The following ARB2A variants were observed in gnomAD, a reference collection of about 807,000 sequenced individuals.
The protein encoded by ARB2A is cotranscriptional regulator ARB2A.
At chr5:93,983,389 C>G in the ARB2A span, among the ~76,000 whole-genome samples, 1 of 152,036 alleles carries the variant, frequency 6.6e-6, no homozygotes, top group South Asian at 2.1e-4. Flanking sequence ...TAAAAGAACA[C>G]AGAAATCTGC....
At chr5:93,788,288 C>T in the ARB2A span, among the ~76,000 whole-genome samples, 6 of 151,880 alleles carry the variant, frequency 4.0e-5, no homozygotes, top group Non-Finnish European at 7.4e-5. Flanking sequence ...CGGATGAGTT[C>T]GTCTGAGTAT....
the ARB2A span, among the ~76,000 whole-genome samples, chr5:93,651,384 C>T: frequency 6.6e-6 from 1 of 152,166 alleles, no homozygotes; most frequent in Non-Finnish European, 1.5e-5. Flanking sequence ...TATCCTTCAG[C>T]CACTGCCTCC....
chr5:93,838,972 A>G, the ARB2A span, among the ~76,000 whole-genome samples: 821 of 152,282 alleles, frequency 5.4e-3, 2 homozygotes, highest in Non-Finnish European at 9.4e-3. Flanking sequence ...GTATAGAATC[A>G]TGTCATCTGC....
At chr5:93,649,750 A>T in the ARB2A span, among the ~76,000 whole-genome samples, 7 of 152,200 alleles carry the variant, frequency 4.6e-5, no homozygotes, top group South Asian at 2.1e-4. Context: ...TTGCCAAATT[A>T]AAGAGGCTTG....
At chr5:93,692,169 C>T in the ARB2A span, among the ~76,000 whole-genome samples, 3 of 152,196 alleles carry the variant, frequency 2.0e-5, no homozygotes, top group African/African-American at 7.2e-5. Context: ...CAAATTCACA[C>T]ATAACAAGGT....
At chr5:93,923,454 G>A in the ARB2A span, among the ~76,000 whole-genome samples, 1 of 152,022 alleles carries the variant, frequency 6.6e-6, no homozygotes, top group African/African-American at 2.4e-5. Context: ...CAGGAATTGT[G>A]GGTAATTTTT....
chr5:93,662,977 T>C, the ARB2A span, among the ~76,000 whole-genome samples: 1 of 152,168 alleles, frequency 6.6e-6, no homozygotes, highest in Non-Finnish European at 1.5e-5. Context: ...TGTGTCCTCA[T>C]GTGGCAAAAA....
the ARB2A span, among the ~76,000 whole-genome samples, chr5:93,639,831 G>A: frequency 6.6e-6 from 1 of 151,968 alleles, no homozygotes; most frequent in South Asian, 2.1e-4. Flanking sequence ...AGAATCACGA[G>A]GTCAGGAGTT....
chr5:93,902,075 A>G, the ARB2A span, among the ~76,000 whole-genome samples: 1 of 152,246 alleles, frequency 6.6e-6, no homozygotes, highest in South Asian at 2.1e-4. Context: ...AGTAGGTAGT[A>G]GATAAGATAT....
At chr5:94,110,554 G>A in the ARB2A span, among the ~76,000 whole-genome samples, 6 of 152,204 alleles carry the variant, frequency 3.9e-5, no homozygotes, top group Non-Finnish European at 8.8e-5. Flanking sequence ...TACCAGCACT[G>A]TCACTGAGGC....
At chr5:94,029,494 T>A in the ARB2A span, among the ~76,000 whole-genome samples, 1 of 152,196 alleles carries the variant, frequency 6.6e-6, no homozygotes, top group Admixed American at 6.5e-5. Context: ...CTGTATTTCA[T>A]TAAAATTGGA....
the ARB2A span, among the ~76,000 whole-genome samples, chr5:93,651,964 C>T: frequency 6.6e-6 from 1 of 151,866 alleles, no homozygotes; most frequent in African/African-American, 2.4e-5. Context: ...GACCTCAGAA[C>T]AACGAAAATA....
the ARB2A span, among the ~76,000 whole-genome samples, chr5:93,787,392 T>G: frequency 6.6e-6 from 1 of 152,222 alleles, no homozygotes; most frequent in Admixed American, 6.5e-5. Context: ...AGGATATACA[T>G]TGTAAAGTTA....
the ARB2A span, among the ~76,000 whole-genome samples, chr5:93,788,532 C>T: frequency 6.6e-6 from 1 of 152,182 alleles, no homozygotes; most frequent in South Asian, 2.1e-4. Flanking sequence ...TCACAGATAC[C>T]TGGCCAAATT....
chr5:94,011,255 G>A, the ARB2A span, among the ~76,000 whole-genome samples: 43 of 152,084 alleles, frequency 2.8e-4, no homozygotes, highest in Admixed American at 2.5e-3. Context: ...AGTGCTCCTC[G>A]GCCTAGTGCT....
the ARB2A span, among the ~76,000 whole-genome samples, chr5:93,966,374 A>G: frequency 6.6e-6 from 1 of 152,134 alleles, no homozygotes; most frequent in African/African-American, 2.4e-5. Context: ...AAAAAGCTGG[A>G]CAAACTAGAA....
At chr5:93,798,045 T>C in the ARB2A span, among the ~76,000 whole-genome samples, 1 of 152,078 alleles carries the variant, frequency 6.6e-6, no homozygotes, top group African/African-American at 2.4e-5. Flanking sequence ...GAGGGGAACG[T>C]TTATTGTAAT....
At chr5:94,081,831 A>G in the ARB2A span, among the ~76,000 whole-genome samples, 4 of 152,024 alleles carry the variant, frequency 2.6e-5, no homozygotes, top group Non-Finnish European at 4.4e-5. Context: ...ACTCTTTTCT[A>G]CAGCTCTAAT....
chr5:93,870,513 T>G, the ARB2A span, among the ~76,000 whole-genome samples: 1 of 152,266 alleles, frequency 6.6e-6, no homozygotes, highest in Non-Finnish European at 1.5e-5. Context: ...TTTTTAGACA[T>G]GTGGTCCACA....
Sources: gnomAD v4.1 joint callset for allele counts (sites outside exome capture counted in the v4.1 genomes callset) on GRCh38, gnomAD v4.1.1 for gene constraint, MANE v1.5 for transcripts, NCBI Gene and HGNC (gene_info 2026-07-23, HGNC 2026-07-21) for gene names.